The following STARD13 variants were observed in gnomAD, a reference collection of about 807,000 sequenced individuals.
STARD13 encodes the protein stAR-related lipid transfer protein 13.
Under a neutral mutation model 106.4 loss-of-function variants are expected in STARD13, and 62 were observed. The observed-to-expected ratio is 0.58, with a 90% CI of 0.48 to 0.72. The LOEUF (loss-of-function observed/expected upper bound fraction) is 0.72. Ranked by LOEUF, STARD13 falls within the 30% of genes least tolerant of loss-of-function variation. The pLI is 0.00. For synonymous variants in STARD13, 565 were observed against 553.0 expected (o/e 1.02, Z -0.31); for missense variants, 1,387 against 1,424.0 (o/e 0.97, Z 0.42).
chr13:33,491,868 C>T, the STARD13 span, among the ~76,000 whole-genome samples: 17 of 152,206 alleles, frequency 1.1e-4, no homozygotes, highest in African/African-American at 3.1e-4. Flanking sequence ...TGTTTTCACT[C>T]GCGTCCATGT....
intron 1 of STARD13, among the ~76,000 whole-genome samples, chr13:33,239,663 T>C (rs1187760106): frequency 6.6e-6 from 1 of 152,220 alleles, no homozygotes; most frequent in Non-Finnish European, 1.5e-5. Context: ...TCTTTTCATA[T>C]ACTTCTTGGC....
chr13:33,326,880 A>G (rs1314014793), intron 1 of STARD13, among the ~76,000 whole-genome samples: 1 of 152,228 alleles, frequency 6.6e-6, no homozygotes, highest in African/African-American at 2.4e-5. Context: ...AGCAAAAACC[A>G]TGCTGTTCTT....
chr13:33,304,709 C>A (rs914753191), intron 1 of STARD13, among the ~76,000 whole-genome samples: 21 of 152,124 alleles, frequency 1.4e-4, no homozygotes, highest in Non-Finnish European at 8.8e-5. Flanking sequence ...GTATATTGTA[C>A]CCCCACGAGA....
chr13:33,122,403 A>AT (rs1337529729), intron 7 of STARD13, among the ~76,000 whole-genome samples: 10 of 152,188 alleles, frequency 6.6e-5, no homozygotes, highest in Non-Finnish European at 1.5e-4. Context: ...TCTGTCACCC[A>AT]TGGACGGGCA....
chr13:33,486,214 C>CTTAACAAG, the STARD13 span, among the ~76,000 whole-genome samples: 3 of 152,110 alleles, frequency 2.0e-5, no homozygotes, highest in East Asian at 5.8e-4. Flanking sequence ...TGTCCATACA[C>CTTAACAAG]TTAACAAGTA....
intron 4 of STARD13, among the ~76,000 whole-genome samples, chr13:33,140,024 G>C (rs1445280252): frequency 6.6e-6 from 1 of 152,160 alleles, no homozygotes; most frequent in Non-Finnish European, 1.5e-5. Flanking sequence ...AGCTAAGCAG[G>C]GGCTTTAAGG....
chr13:33,656,055 T>G, the STARD13 span, among the ~76,000 whole-genome samples: 198 of 152,314 alleles, frequency 1.3e-3, no homozygotes, highest in Non-Finnish European at 2.4e-3. Context: ...GGGCAACTTC[T>G]CTCCTACTCC....
At chr13:33,110,660 G>GATCTTT (rs1363011961) in intron 11 of STARD13, 26 bp downstream of exon 11, 1 of 1,588,200 alleles carries the variant, frequency 6.3e-7, no homozygotes, top group Non-Finnish European at 8.6e-7. Flanking sequence ...TTCTGGGGGT[G>GATCTTT]ATCTTTTTCC....
intron 3 of STARD13, among the ~76,000 whole-genome samples, chr13:33,163,589 CAAAAAAAA>C (rs577772737): frequency 1.9e-5 from 1 of 53,720 alleles, no homozygotes; most frequent in African/African-American, 6.3e-5. Context: ...GACTCTGTCT[CAAAAAAAA>C]AAAAAAAAAT....
chr13:33,375,257 A>G, the STARD13 span, among the ~76,000 whole-genome samples: 1 of 152,170 alleles, frequency 6.6e-6, no homozygotes, highest in Non-Finnish European at 1.5e-5. Context: ...AGAGGCAAGT[A>G]GGGGTGAGAA....
At chr13:33,234,983 T>G (rs951037137) in intron 1 of STARD13, among the ~76,000 whole-genome samples, 5 of 152,216 alleles carry the variant, frequency 3.3e-5, no homozygotes, top group African/African-American at 1.2e-4. Flanking sequence ...ATCTTATGTA[T>G]TATCACAGAA....
At chr13:33,625,541 G>A in the STARD13 span, among the ~76,000 whole-genome samples, 1 of 151,908 alleles carries the variant, frequency 6.6e-6, no homozygotes, top group Non-Finnish European at 1.5e-5. Context: ...CTGCACTCCA[G>A]CCTGGCGACA....
At chr13:33,343,588 A>C (rs1298205008) in intron 1 of STARD13, among the ~76,000 whole-genome samples, 2 of 97,284 alleles carry the variant, frequency 2.1e-5, no homozygotes, top group African/African-American at 9.0e-5. Flanking sequence ...AAAAAAAAAA[A>C]AAAAAAAAAC....
At chr13:33,200,433 G>A (rs1195248908) in intron 1 of STARD13, among the ~76,000 whole-genome samples, 2 of 152,106 alleles carry the variant, frequency 1.3e-5, no homozygotes, top group South Asian at 2.1e-4. Context: ...CACCAACAAC[G>A]AGACCACTTC....
intron 8 of STARD13, among the ~76,000 whole-genome samples, chr13:33,114,835 AT>A (rs1294830443): frequency 7.9e-5 from 12 of 151,744 alleles, no homozygotes; most frequent in Non-Finnish European, 1.5e-4. Context: ...CATTATTATT[AT>A]TATTATTTAC....
At chr13:33,254,152 A>G (rs1005577588) in intron 1 of STARD13, among the ~76,000 whole-genome samples, 3 of 152,212 alleles carry the variant, frequency 2.0e-5, no homozygotes, top group Non-Finnish European at 2.9e-5. Flanking sequence ...CCCAGCAGAT[A>G]GGACACTAGG....
intron 4 of STARD13, among the ~76,000 whole-genome samples, chr13:33,133,331 C>A (rs937859834): frequency 3.3e-5 from 5 of 152,090 alleles, no homozygotes; most frequent in Non-Finnish European, 7.4e-5. Context: ...TACAGCCCAA[C>A]TAAGGCATGT....
At chr13:33,662,288 C>T in the STARD13 span, among the ~76,000 whole-genome samples, 1 of 151,462 alleles carries the variant, frequency 6.6e-6, no homozygotes, top group East Asian at 1.9e-4. Context: ...TTATTTATTT[C>T]TTGCCCAACC....
At chr13:33,390,647 T>G in the STARD13 span, among the ~76,000 whole-genome samples, 1 of 152,168 alleles carries the variant, frequency 6.6e-6, no homozygotes, top group Non-Finnish European at 1.5e-5. Context: ...AATGCTATGG[T>G]CAAGTATGAA....
Sources: allele counts gnomAD v4.1 joint callset (sites outside exome capture counted in the v4.1 genomes callset), GRCh38; gene constraint gnomAD v4.1.1; transcripts MANE v1.5; gene names NCBI Gene and HGNC (gene_info 2026-07-23, HGNC 2026-07-21).